The following SCAF8 variants were observed in gnomAD, a reference collection of about 807,000 sequenced individuals.
SCAF8 encodes the protein SR-related and CTD-associated factor 8.
A neutral mutation model predicts 140.5 loss-of-function variants in SCAF8; 23 were observed. The ratio of observed to expected loss-of-function variants is 0.16; its 90% CI spans 0.12 to 0.23. The LOEUF (loss-of-function observed/expected upper bound fraction) is 0.23. SCAF8 is among the 10% of genes least tolerant of loss of function. The probability of loss-of-function intolerance (pLI) is 1.00; values close to 1 mark genes in which losing one functional copy is unlikely to be tolerated. For missense variants in SCAF8, 1,397 were observed against 1,555.7 expected, an observed-to-expected ratio of 0.90 and a Z score of 1.72; for synonymous variants, 575 against 528.9, an observed-to-expected ratio of 1.09 and a Z score of -1.20.
intron 17 of SCAF8, 30 bp from the exon 18 acceptor site, chr6:154,827,142 C>G (rs760661659): frequency 6.4e-7 from 1 of 1,566,960 alleles, no homozygotes; most frequent in South Asian, 1.2e-5. Flanking sequence ...TTTTCTTGTG[C>G]TATTTTTTGG....
intron 6 of SCAF8, among the ~76,000 whole-genome samples, chr6:154,800,035 C>T (rs1777726606): frequency 6.6e-6 from 1 of 151,292 alleles, no homozygotes; most frequent in Non-Finnish European, 1.5e-5. Context: ...ATCCGCCCGC[C>T]TCGGCCTTCC....
At chr6:154,736,953 A>G (rs547579953) in intron 1 of SCAF8, among the ~76,000 whole-genome samples, 183 of 152,346 alleles carry the variant, frequency 1.2e-3, no homozygotes, top group African/African-American at 4.2e-3. Context: ...TATTTGAAGA[A>G]GATTCAGAAA....
intron 12 of SCAF8, among the ~76,000 whole-genome samples, chr6:154,814,039 A>G (rs1778174570): frequency 6.6e-6 from 1 of 152,276 alleles, no homozygotes. Context: ...TATAGCAGCA[A>G]TAAAAAACTG....
chr6:154,743,829 T>A (rs899307858), intron 1 of SCAF8, among the ~76,000 whole-genome samples: 1 of 152,188 alleles, frequency 6.6e-6, no homozygotes. Context: ...AGTAAAAAAA[T>A]TTTTTAAAAT....
At chr6:154,785,225 G>A (rs1777217872) in intron 3 of SCAF8, among the ~76,000 whole-genome samples, 1 of 152,096 alleles carries the variant, frequency 6.6e-6, no homozygotes, top group South Asian at 2.1e-4. Flanking sequence ...TGAATAGACG[G>A]CAGCTTGCCC....
intron 3 of SCAF8, among the ~76,000 whole-genome samples, chr6:154,782,326 T>C (rs1417698244): frequency 6.6e-6 from 1 of 152,140 alleles, no homozygotes; most frequent in African/African-American, 2.4e-5. Flanking sequence ...GAGGGATTGC[T>C]TGAGGCTTGA....
intron 12 of SCAF8, among the ~76,000 whole-genome samples, chr6:154,811,041 G>A (rs944702592): frequency 6.6e-6 from 1 of 152,150 alleles, no homozygotes; most frequent in Non-Finnish European, 1.5e-5. Context: ...AAAGGCAATA[G>A]CCATCTTCTT....
intron 1 of SCAF8, among the ~76,000 whole-genome samples, chr6:154,735,119 G>A: frequency 1.4e-5 from 2 of 144,808 alleles, no homozygotes; most frequent in East Asian, 2.0e-4. Context: ...GTGAGACTCT[G>A]TCTACAAAAA....
chr6:154,804,681 T>C (rs1777863909), intron 8 of SCAF8, among the ~76,000 whole-genome samples: 1 of 152,202 alleles, frequency 6.6e-6, no homozygotes, highest in Admixed American at 6.5e-5. Context: ...CTTAGGTTTA[T>C]TTGCTTCAGA....
intron 1 of SCAF8, among the ~76,000 whole-genome samples, chr6:154,772,558 G>A (rs1467083388): frequency 1.3e-5 from 2 of 152,032 alleles, no homozygotes; most frequent in South Asian, 2.1e-4. Context: ...ATGTGGTGGC[G>A]TGTGCCTGTA....
chr6:154,817,349 G>A (rs921114427), intron 13 of SCAF8, among the ~76,000 whole-genome samples: 9 of 152,062 alleles, frequency 5.9e-5, no homozygotes, highest in African/African-American at 1.9e-4. Flanking sequence ...CTTGTATCAC[G>A]GTCCCTTGAG....
intron 2 of SCAF8, among the ~76,000 whole-genome samples, chr6:154,777,026 C>T (rs1776935306): frequency 6.6e-6 from 1 of 152,168 alleles, no homozygotes; most frequent in South Asian, 2.1e-4. Flanking sequence ...ACTAAAAATA[C>T]AAAAATTAGG....
At chr6:154,746,863 A>AT (rs1032815707) in intron 1 of SCAF8, among the ~76,000 whole-genome samples, 3 of 152,134 alleles carry the variant, frequency 2.0e-5, no homozygotes, top group Non-Finnish European at 4.4e-5. Flanking sequence ...CTTGTTTGCT[A>AT]TTTTTTTAGT....
chr6:154,756,664 A>G (rs1440645424), intron 1 of SCAF8, among the ~76,000 whole-genome samples: 1 of 152,236 alleles, frequency 6.6e-6, no homozygotes, highest in Non-Finnish European at 1.5e-5. Context: ...GTATACAAGG[A>G]TGATTATTTT....
At chr6:154,742,928 A>G (rs972029797) in intron 1 of SCAF8, among the ~76,000 whole-genome samples, 8 of 151,104 alleles carry the variant, frequency 5.3e-5, no homozygotes, top group African/African-American at 1.9e-4. Context: ...ACTAATATTT[A>G]ATGAACATGT....
intron 6 of SCAF8, among the ~76,000 whole-genome samples, chr6:154,797,155 G>A (rs1247119159): frequency 2.8e-5 from 4 of 143,538 alleles, no homozygotes; most frequent in African/African-American, 4.9e-5. Context: ...GTTTTTCATA[G>A]TTGTACGTAA....
intron 14 of SCAF8, among the ~76,000 whole-genome samples, chr6:154,819,864 C>T (rs1045834734): frequency 6.6e-6 from 1 of 152,092 alleles, no homozygotes; most frequent in Non-Finnish European, 1.5e-5. Context: ...TGTTGCCTGC[C>T]TGCAGTCCCA....
chr6:154,754,420 C>T (rs754521426), intron 1 of SCAF8, among the ~76,000 whole-genome samples: 1 of 152,164 alleles, frequency 6.6e-6, no homozygotes, highest in Non-Finnish European at 1.5e-5. Context: ...GGAAACTGGG[C>T]TACATCTGAG....
chr6:154,809,767 A>G (rs1312989570), intron 11 of SCAF8, among the ~76,000 whole-genome samples: 2 of 152,162 alleles, frequency 1.3e-5, no homozygotes, highest in Non-Finnish European at 2.9e-5. Flanking sequence ...CCCTTTCTAG[A>G]ATCTTTTTCC....
Sources: gnomAD v4.1 joint callset for allele counts (sites outside exome capture counted in the v4.1 genomes callset) on GRCh38, gnomAD v4.1.1 for gene constraint, MANE v1.5 for transcripts, NCBI Gene and HGNC (gene_info 2026-07-23, HGNC 2026-07-21) for gene names.